The following ROBO2 variants were observed in gnomAD, a reference collection of about 807,000 sequenced individuals.
ROBO2 encodes the protein roundabout guidance receptor 2, also known as roundabout homolog 2.
ROBO2 carries 53 observed loss-of-function variants against 160.8 expected under a neutral mutation model. The observed-to-expected ratio is 0.33, with a 90% confidence interval of 0.26 to 0.41. The LOEUF (loss-of-function observed/expected upper bound fraction) is 0.41, where lower values mean the gene tolerates loss of function less well. Ranked by LOEUF, ROBO2 falls within the 10% of genes least tolerant of loss-of-function variation. The pLI is 1.00. For missense variants in ROBO2, 1,577 were observed against 1,722.4 expected (o/e 0.92, Z 1.49); for synonymous variants, 664 against 611.7 (o/e 1.09, Z -1.26).
In ROBO2 at chr3:77,113,298, G is replaced by C. The variant is rs193181239; in HGVS notation, c.388+14958G>C. 3.0e-4 allele frequency among the ~76,000 whole-genome samples: 46 copies of C among 152,266 alleles called. No homozygotes were observed. In the East Asian group the frequency reaches 5.2e-3, roughly 17 times the overall value. The stretch of plus-strand genomic sequence containing the variant: ...ATATTCTTAAAAGAAGGAGGAAAAT[G>C]CTGTGTTTAATATTCATACAGGATT... On this transcript the variant is annotated intron_variant, in intron 2 of 25. Coordinates refer to ENST00000461745, the Ensembl canonical transcript of ROBO2.
intron 1 of ROBO2, among the ~76,000 whole-genome samples, chr3:77,091,887 C>T (rs890019618): frequency 2.6e-5 from 4 of 151,502 alleles, no homozygotes; most frequent in African/African-American, 9.7e-5. Flanking sequence ...GTCTGAGGCA[C>T]GAGAATCGCT....
chr3:76,431,891 GT>G (rs1373865701), intron 2 of ROBO2, among the ~76,000 whole-genome samples: 1 of 152,092 alleles, frequency 6.6e-6, no homozygotes, highest in African/African-American at 2.4e-5. Context: ...AACTACATTA[GT>G]TTTTGACATT....
At chr3:76,860,019 T>C (rs1323920985) in intron 2 of ROBO2, among the ~76,000 whole-genome samples, 1 of 152,232 alleles carries the variant, frequency 6.6e-6, no homozygotes, top group East Asian at 1.9e-4. Flanking sequence ...TCAAAATCAT[T>C]ACCTACCTTT....
chr3:76,816,658 G>T (rs1445505005), intron 2 of ROBO2, among the ~76,000 whole-genome samples: 1 of 151,944 alleles, frequency 6.6e-6, no homozygotes, highest in Non-Finnish European at 1.5e-5. Flanking sequence ...GGAAGACAGT[G>T]TGGCAATTCC....
At chr3:76,811,285 A>G (rs1166875933) in intron 2 of ROBO2, among the ~76,000 whole-genome samples, 2 of 152,022 alleles carry the variant, frequency 1.3e-5, no homozygotes, top group Non-Finnish European at 2.9e-5. Flanking sequence ...GGTATTGTTA[A>G]CTCTAAGTGA....
intron 2 of ROBO2, among the ~76,000 whole-genome samples, chr3:77,307,471 T>C (rs2063189349): frequency 1.3e-5 from 2 of 152,166 alleles, no homozygotes; most frequent in South Asian, 4.1e-4. Context: ...CAATCTAAGC[T>C]ATCACCAAGG....
At chr3:76,407,577 G>A (rs1194543089) in intron 2 of ROBO2, among the ~76,000 whole-genome samples, 1 of 151,978 alleles carries the variant, frequency 6.6e-6, no homozygotes, top group East Asian at 1.9e-4. Context: ...ACACGTTTCT[G>A]ATGAGAGCCA....
intron 2 of ROBO2, among the ~76,000 whole-genome samples, chr3:76,480,388 A>T (rs896225494): frequency 2.0e-5 from 3 of 151,988 alleles, no homozygotes; most frequent in Non-Finnish European, 2.9e-5. Flanking sequence ...CTTTTCTGTA[A>T]TTTTCTCATA....
intron 2 of ROBO2, among the ~76,000 whole-genome samples, chr3:76,815,453 A>T (rs1267234817): frequency 1.3e-5 from 2 of 152,082 alleles, no homozygotes; most frequent in Non-Finnish European, 1.5e-5. Context: ...TTGAAAAAAA[A>T]AAAGTGTTAA....
intron 2 of ROBO2, 110 bp downstream of exon 2, chr3:77,098,450 A>G: frequency 7.2e-6 from 8 of 1,107,594 alleles, no homozygotes; most frequent in East Asian, 2.5e-5. Context: ...AACACACTGC[A>G]TAATTTTACT....
At chr3:77,180,412 C>CTATATATATATATATATATA (rs1389265662) in intron 2 of ROBO2, among the ~76,000 whole-genome samples, 1 of 93,750 alleles carries the variant, frequency 1.1e-5, no homozygotes, top group Non-Finnish European at 2.4e-5. Flanking sequence ...CTCTCTCTCT[C>CTATATATATATATATATATA]TCTCTATATA....
intron 2 of ROBO2, among the ~76,000 whole-genome samples, chr3:76,079,867 T>G (rs2068764714): frequency 6.6e-6 from 1 of 151,970 alleles, no homozygotes; most frequent in Non-Finnish European, 1.5e-5. Flanking sequence ...AAGAAAGAAA[T>G]TTCTACAAAA....
At chr3:76,892,688 C>T (rs1483338346) in intron 2 of ROBO2, among the ~76,000 whole-genome samples, 1 of 152,114 alleles carries the variant, frequency 6.6e-6, no homozygotes, top group Non-Finnish European at 1.5e-5. Flanking sequence ...TATTCTTCAC[C>T]TGAATAGTTG....
Position 76,948,874 on chromosome 3 carries a change from T to TTATATATA in ROBO2, c.110-149112_110-149105dup, listed in dbSNP as rs71104642. Among the ~76,000 whole-genome samples the TTATATATA allele has an allele frequency of 4.1e-3, 198 of 48,558 alleles. 4 individuals are homozygous for TTATATATA. Among genetic ancestry groups the TTATATATA allele is most frequent in the African/African-American group, 0.012 (110 of 9,278 alleles). The allele number at this position is 48,558 out of a possible 152,430, so 31.9% of individuals were successfully genotyped here. On this transcript the variant is annotated intron_variant, in intron 2 of 26. Coordinates refer to the ROBO2 transcript ENST00000487694. ...TGCCCGCCACCACACCCGGCTAATT[T>TTATATATA]TATATATATATATATATATATATAT...
intron 2 of ROBO2, among the ~76,000 whole-genome samples, chr3:76,948,207 G>A (rs1415234612): frequency 6.6e-6 from 1 of 152,122 alleles, no homozygotes. Context: ...TGGCAGAAAA[G>A]CTATATTTTC....
At chr3:76,423,793 A>T (rs2076096000) in intron 2 of ROBO2, among the ~76,000 whole-genome samples, 1 of 152,142 alleles carries the variant, frequency 6.6e-6, no homozygotes, top group East Asian at 1.9e-4. Flanking sequence ...ATCCATGGGG[A>T]TTTTGAAATG....
intron 2 of ROBO2, among the ~76,000 whole-genome samples, chr3:76,762,071 G>A (rs1181173410): frequency 1.3e-5 from 2 of 150,916 alleles, no homozygotes; most frequent in Non-Finnish European, 3.0e-5. Flanking sequence ...AACCTAAGTT[G>A]AACTTCATAA....
chr3:76,847,892 A>C (rs2068927134), intron 2 of ROBO2, among the ~76,000 whole-genome samples: 1 of 152,106 alleles, frequency 6.6e-6, no homozygotes, highest in Non-Finnish European at 1.5e-5. Context: ...TTTTAATATT[A>C]AATATTCCTT....
At chr3:76,539,607 T>G (rs2082709201) in intron 2 of ROBO2, among the ~76,000 whole-genome samples, 1 of 152,128 alleles carries the variant, frequency 6.6e-6, no homozygotes, top group African/African-American at 2.4e-5. Flanking sequence ...TTCAAAAATG[T>G]GAAATTAAAG....
Sources: allele counts gnomAD v4.1 joint callset (sites outside exome capture counted in the v4.1 genomes callset), GRCh38; gene constraint gnomAD v4.1.1; transcripts MANE v1.5; gene names NCBI Gene and HGNC (gene_info 2026-07-23, HGNC 2026-07-21).